NRBF2: variants seen among roughly 807,000 people sequenced by gnomAD.
NRBF2 encodes nuclear receptor-binding factor 2.
In NRBF2, 12 loss-of-function variants were observed where a neutral mutation model predicts 28.5. That is an observed-to-expected ratio of 0.42 (90% confidence interval 0.27 to 0.68). The LOEUF is 0.68. Ranked by LOEUF, NRBF2 falls within the 30% of genes least tolerant of loss-of-function variation. NRBF2 has a pLI of 0.24. For missense variants in NRBF2, 274 were observed against 333.5 expected (o/e 0.82, Z 1.39); for synonymous variants, 102 against 116.5 (o/e 0.88, Z 0.80).
At chr10:63,137,208 C>T (rs1841390703) in intron 1 of NRBF2, among the ~76,000 whole-genome samples, 1 of 152,216 alleles carries the variant, frequency 6.6e-6, no homozygotes, top group Non-Finnish European at 1.5e-5. Flanking sequence ...CTCCTGGCCT[C>T]AAGCAATCTT....
intron 1 of NRBF2, among the ~76,000 whole-genome samples, chr10:63,142,705 T>C (rs1841491838): frequency 6.6e-6 from 1 of 151,954 alleles, no homozygotes; most frequent in Non-Finnish European, 1.5e-5. Flanking sequence ...ATGTATTTTT[T>C]GCTCAGTCCA....
chr10:63,146,191 G>A lies in NRBF2; in HGVS notation c.31-18G>A. ...TTATTTTATGATCCAGAGGAACTTA[G>A]GGATGTTTGTCTTCTAGGCTCATCA... On this transcript the variant is annotated intron_variant, in intron 1 of 3. Transcript: ENST00000277746. The A allele has an allele frequency of 6.3e-7, 1 of 1,599,122 alleles. No homozygotes were observed. The highest frequency in any genetic ancestry group is 8.6e-7 in the Non-Finnish European group (1 of 1,168,418).
rs1841711555 is a variant in NRBF2, at chr10:63,154,933, G to A, written c.*715G>A. 6.6e-6 allele frequency: 1 copy of A among 152,560 alleles called. No homozygotes were observed. The highest frequency in any genetic ancestry group is 2.1e-4 in the South Asian group (1 of 4,832). The allele number at this position is 152,560 out of a possible 1,614,324, so 9.5% of individuals were successfully genotyped here. On this transcript the variant is annotated 3_prime_UTR_variant, in exon 4 of 4. Coordinates refer to ENST00000277746, the MANE Select transcript of NRBF2 (RefSeq NM_030759.5). ...TGCATCATTTGAAAATACCAAGGAG[G>A]AAATACCCTTTGTTTTTAATGATGC... is the stretch of plus-strand genomic sequence containing the variant.
intron 1 of NRBF2, among the ~76,000 whole-genome samples, chr10:63,144,714 C>G (rs999230471): frequency 6.6e-6 from 1 of 152,244 alleles, no homozygotes. Flanking sequence ...CCGCGCCCGG[C>G]CAGAATTACC....
At chr10:63,136,993 GAAT>G (rs1332421201) in intron 1 of NRBF2, among the ~76,000 whole-genome samples, 1 of 152,214 alleles carries the variant, frequency 6.6e-6, no homozygotes, top group Non-Finnish European at 1.5e-5. Flanking sequence ...TTTGCACTCT[GAAT>G]AACTTTGTTT....
chr10:63,152,776 C>A (rs1294588453), intron 3 of NRBF2, among the ~76,000 whole-genome samples: 1 of 152,312 alleles, frequency 6.6e-6, no homozygotes, highest in African/African-American at 2.4e-5. Flanking sequence ...GCAGGGGGAT[C>A]ACTTGAGCCC....
chr10:63,140,151 C>T (rs1841441036), intron 1 of NRBF2, among the ~76,000 whole-genome samples: 1 of 151,726 alleles, frequency 6.6e-6, no homozygotes, highest in African/African-American at 2.4e-5. Context: ...AAAAAAACAG[C>T]AAGGAAATCA....
At chr10:63,134,045 A>T (rs992848931) in intron 1 of NRBF2, among the ~76,000 whole-genome samples, 3 of 136,886 alleles carry the variant, frequency 2.2e-5, no homozygotes, top group Non-Finnish European at 4.7e-5. Context: ...TCTCACATAC[A>T]TTCACATGCA....
At chr10:63,143,145 T>C (rs1841501636) in intron 1 of NRBF2, among the ~76,000 whole-genome samples, 1 of 152,188 alleles carries the variant, frequency 6.6e-6, no homozygotes, top group South Asian at 2.1e-4. Flanking sequence ...GAGGAAAGTT[T>C]GATTACTATT....
intron 1 of NRBF2, among the ~76,000 whole-genome samples, chr10:63,136,120 C>T (rs1208980523): frequency 7.5e-6 from 1 of 134,074 alleles, no homozygotes; most frequent in Non-Finnish European, 1.5e-5. Flanking sequence ...TTTGAAAATT[C>T]AGACTTTTTT....
chr10:63,145,011 C>A (rs1283927471), intron 1 of NRBF2, among the ~76,000 whole-genome samples: 1 of 152,070 alleles, frequency 6.6e-6, no homozygotes, highest in Non-Finnish European at 1.5e-5. Context: ...TACACGACCT[C>A]CCCATCAGTC....
intron 1 of NRBF2, among the ~76,000 whole-genome samples, chr10:63,142,923 G>A (rs1348788851): frequency 6.6e-6 from 1 of 151,642 alleles, no homozygotes; most frequent in African/African-American, 2.4e-5. Context: ...TGGGATTACA[G>A]GCATGTGCCA....
rs562315657 is a variant in NRBF2, at chr10:63,154,460, C to T, written c.*242C>T. On this transcript the variant is annotated 3_prime_UTR_variant, in exon 4 of 4. Coordinates refer to ENST00000277746, the MANE Select transcript of NRBF2 (RefSeq NM_030759.5). ...GGCAGACGCTAAACTCATGGAGGTT[C>T]GGTTTCTCCTGATACAAACCAAATG... is the stretch of plus-strand genomic sequence containing the variant. 2 of 350,214 alleles carry T rather than the reference C, an allele frequency of 5.7e-6. No individual in the cohort carries two copies. Among genetic ancestry groups the T allele is most frequent in the East Asian group, 4.7e-5 (1 of 21,086 alleles). The allele number at this position is 350,214 out of a possible 1,614,324, so 21.7% of individuals were successfully genotyped here. A position where few individuals can be genotyped will look rare whatever the true frequency, so the allele number is the denominator to read the frequency against.
chr10:63,134,921 CTCACGCCT>C (rs1166107535), intron 1 of NRBF2, among the ~76,000 whole-genome samples: 1 of 152,138 alleles, frequency 6.6e-6, no homozygotes, highest in East Asian at 1.9e-4. Flanking sequence ...GGCGCCGGGG[CTCACGCCT>C]GTAATCCCAG....
intron 2 of NRBF2, among the ~76,000 whole-genome samples, chr10:63,151,440 G>A (rs1168787594): frequency 6.6e-6 from 1 of 152,118 alleles, no homozygotes; most frequent in East Asian, 1.9e-4. Flanking sequence ...AATGAGAAAG[G>A]ACTAGTAGTG....
intron 1 of NRBF2, among the ~76,000 whole-genome samples, chr10:63,135,186 C>G (rs1564527964): frequency 6.6e-6 from 1 of 152,112 alleles, no homozygotes; most frequent in Non-Finnish European, 1.5e-5. Flanking sequence ...GACTCTGACT[C>G]AAATAACCAG....
intron 1 of NRBF2, among the ~76,000 whole-genome samples, chr10:63,135,700 G>A (rs964128833): frequency 4.7e-5 from 7 of 147,580 alleles, no homozygotes; most frequent in African/African-American, 1.8e-4. Context: ...AGACTAGAGT[G>A]CAGTGGCGCG....
chr10:63,153,408 G>A lies in NRBF2; in HGVS notation c.157-103G>A, dbSNP rs147707641. On this transcript the variant is annotated intron_variant, in intron 3 of 3. Transcript: ENST00000277746. The stretch of plus-strand genomic sequence containing the variant: ...TTGCAAACATAGTAAATTGTAAATT[G>A]TAAGTGTTGGGTTATTCACAAAGGA... 2.6e-5 allele frequency: 22 copies of A among 846,180 alleles called. 1 individual carries two copies. The South Asian group carries it at 3.9e-4, about 15-fold the overall frequency. The allele number at this position is 846,180 out of a possible 1,614,324, so 52.4% of individuals were successfully genotyped here. A position where few individuals can be genotyped will look rare whatever the true frequency, so the allele number is the denominator to read the frequency against.
At chr10:63,140,178 T>C (rs1194510298) in intron 1 of NRBF2, among the ~76,000 whole-genome samples, 2 of 151,990 alleles carry the variant, frequency 1.3e-5, no homozygotes, top group Admixed American at 6.6e-5. Flanking sequence ...AGAGAAAATA[T>C]AGTTCTATAC....
Sources: gnomAD v4.1 joint callset for allele counts (sites outside exome capture counted in the v4.1 genomes callset) on GRCh38, gnomAD v4.1.1 for gene constraint, MANE v1.5 for transcripts, NCBI Gene and HGNC (gene_info 2026-07-23, HGNC 2026-07-21) for gene names.